The following NTM variants were observed in gnomAD, a reference collection of about 807,000 sequenced individuals.
NTM encodes neurotrimin, also known as IgLON family member 2.
NTM carries 13 observed loss-of-function variants against 42.1 expected under a neutral mutation model. The ratio of observed to expected loss-of-function variants is 0.31; its 90% CI spans 0.20 to 0.49. The LOEUF (loss-of-function observed/expected upper bound fraction) is 0.49, where lower values mean the gene tolerates loss of function less well. NTM is among the 20% of genes least tolerant of loss of function. NTM has a pLI of 0.99. For missense variants in NTM, 373 were observed against 452.8 expected, an observed-to-expected ratio of 0.82 and a Z score of 1.60; for synonymous variants, 187 against 179.2, an observed-to-expected ratio of 1.04 and a Z score of -0.35.
chr11:131,399,470 T>G lies in NTM; in HGVS notation c.82+28582T>G, dbSNP rs1591559465. On this transcript the variant is annotated intron_variant, in intron 1 of 8. Transcript: ENST00000683400. ...ACAACCCCAGTTGCTATGTATGGAT[T>G]GTATCTGTTCATTTTTACAAGATTG... is the stretch of plus-strand genomic sequence containing the variant. Among the ~76,000 whole-genome samples the G allele has an allele frequency of 2.0e-5, 3 of 152,296 alleles. No homozygotes were observed. In the Middle Eastern group the frequency reaches 0.01, roughly 518 times the overall value.
At chr11:131,592,120 C>T (rs1046321549) in intron 1 of NTM, among the ~76,000 whole-genome samples, 6 of 152,182 alleles carry the variant, frequency 3.9e-5, no homozygotes, top group South Asian at 2.1e-4. Context: ...GCATCCACTA[C>T]GCACTCACCC....
At chr11:132,132,866 C>T (rs1037850320) in intron 2 of NTM, among the ~76,000 whole-genome samples, 5 of 152,124 alleles carry the variant, frequency 3.3e-5, no homozygotes, top group Admixed American at 6.5e-5. Context: ...CTGAGGTGAT[C>T]GCAGGTAAAA....
intron 1 of NTM, among the ~76,000 whole-genome samples, chr11:131,681,849 CTG>C (rs756819432): frequency 2.2e-5 from 3 of 136,264 alleles, no homozygotes; most frequent in African/African-American, 1.1e-4. Flanking sequence ...GTATGTCTCC[CTG>C]TGTGTGTGAG....
At chr11:132,322,389 A>T (rs2136297247) in intron 7 of NTM, among the ~76,000 whole-genome samples, 1 of 148,292 alleles carries the variant, frequency 6.7e-6, no homozygotes, top group Middle Eastern at 3.4e-3. Flanking sequence ...CTAGTCTCTG[A>T]TAAAACAGAC....
intron 1 of NTM, among the ~76,000 whole-genome samples, chr11:131,402,727 G>A (rs1464722007): frequency 6.6e-6 from 1 of 152,114 alleles, no homozygotes; most frequent in African/African-American, 2.4e-5. Flanking sequence ...AAAAGTCCAG[G>A]CAGAATGACA....
chr11:131,873,320 A>G (rs1047203366), intron 1 of NTM, among the ~76,000 whole-genome samples: 1 of 149,238 alleles, frequency 6.7e-6, no homozygotes, highest in African/African-American at 2.5e-5. Context: ...ATGAGAACAC[A>G]TGGACACAGG....
At chr11:132,127,314 A>T (rs1163275988) in intron 2 of NTM, among the ~76,000 whole-genome samples, 4 of 152,228 alleles carry the variant, frequency 2.6e-5, no homozygotes, top group Non-Finnish European at 5.9e-5. Flanking sequence ...AGCGAGTCAG[A>T]ATGTGTTTCC....
intron 1 of NTM, among the ~76,000 whole-genome samples, chr11:131,601,589 T>G (rs79138337): frequency 1.4e-5 from 2 of 142,474 alleles, no homozygotes; most frequent in Admixed American, 7.0e-5. Context: ...TTCCCTCTCC[T>G]TTTTTTTTTT....
intron 3 of NTM, among the ~76,000 whole-genome samples, chr11:132,178,146 T>G (rs2077074861): frequency 6.6e-6 from 1 of 152,202 alleles, no homozygotes; most frequent in African/African-American, 2.4e-5. Flanking sequence ...AAGTCCAACC[T>G]GTCTCCTTAC....
chr11:132,164,750 A>G (rs949282259), intron 3 of NTM, among the ~76,000 whole-genome samples: 1 of 152,158 alleles, frequency 6.6e-6, no homozygotes, highest in Non-Finnish European at 1.5e-5. Flanking sequence ...GACATTCATA[A>G]TGCTGATCAC....
At chr11:131,554,135 A>G (rs914579623) in intron 1 of NTM, among the ~76,000 whole-genome samples, 2 of 152,240 alleles carry the variant, frequency 1.3e-5, no homozygotes, top group African/African-American at 4.8e-5. Flanking sequence ...ATGTACTAAC[A>G]CAGGTTCATG....
chr11:131,889,095 C>T (rs553462269), intron 1 of NTM, among the ~76,000 whole-genome samples: 4 of 152,210 alleles, frequency 2.6e-5, no homozygotes, highest in Non-Finnish European at 2.9e-5. Flanking sequence ...AATTTATTTC[C>T]ATCTCCTGCA....
At chr11:132,019,369 C>T (rs1313091730) in intron 2 of NTM, among the ~76,000 whole-genome samples, 1 of 151,924 alleles carries the variant, frequency 6.6e-6, no homozygotes, top group African/African-American at 2.4e-5. Flanking sequence ...GATAGTGTTG[C>T]TCAAGACTTG....
At chr11:131,416,992 C>A (rs1458413876) in intron 1 of NTM, among the ~76,000 whole-genome samples, 2 of 152,134 alleles carry the variant, frequency 1.3e-5, no homozygotes, top group Non-Finnish European at 2.9e-5. Context: ...GTCACAAAGC[C>A]TTTCTTATTG....
At chr11:131,654,089 A>G (rs1206099813) in intron 1 of NTM, among the ~76,000 whole-genome samples, 2 of 152,186 alleles carry the variant, frequency 1.3e-5, no homozygotes, top group East Asian at 3.9e-4. Context: ...GTAACCGGTG[A>G]TGGTGGGAGA....
chr11:131,504,143 TCCCTCCACATCC>T (rs1390461403), intron 1 of NTM, among the ~76,000 whole-genome samples: 1 of 152,052 alleles, frequency 6.6e-6, no homozygotes, highest in Non-Finnish European at 1.5e-5. Flanking sequence ...CTGTGGCTTG[TCCCTCCACATCC>T]CCCTGCCAGT....
intron 1 of NTM, among the ~76,000 whole-genome samples, chr11:131,433,896 C>A (rs192620759): frequency 1.1e-4 from 16 of 152,254 alleles, no homozygotes; most frequent in African/African-American, 3.1e-4. Flanking sequence ...TTGCTGCACC[C>A]ATTAACTCGT....
At chr11:132,035,249 T>C (rs2076374767) in intron 2 of NTM, among the ~76,000 whole-genome samples, 1 of 152,218 alleles carries the variant, frequency 6.6e-6, no homozygotes, top group African/African-American at 2.4e-5. Context: ...TAGCTCTTGT[T>C]GTCTGTACCA....
At chr11:132,130,364 A>AT (rs2137063903) in intron 2 of NTM, among the ~76,000 whole-genome samples, 1 of 152,306 alleles carries the variant, frequency 6.6e-6, no homozygotes, top group South Asian at 2.1e-4. Flanking sequence ...GGAAAAAAAA[A>AT]GGAAGGTACC....
Sources: gnomAD v4.1 joint callset for allele counts (sites outside exome capture counted in the v4.1 genomes callset) on GRCh38, gnomAD v4.1.1 for gene constraint, MANE v1.5 for transcripts, NCBI Gene and HGNC (gene_info 2026-07-23, HGNC 2026-07-21) for gene names.